The following ST3GAL3 variants were observed in gnomAD, a reference collection of about 807,000 sequenced individuals.
ST3GAL3 encodes the protein CMP-N-acetylneuraminate-beta-1,4-galactoside alpha-2,3-sialyltransferase.
Under a neutral mutation model 50.1 loss-of-function variants are expected in ST3GAL3, and 21 were observed. That is an observed-to-expected ratio of 0.42 (90% CI 0.30 to 0.60). The LOEUF is 0.60. Ranked by LOEUF, ST3GAL3 falls within the 20% of genes least tolerant of loss-of-function variation. The pLI is 0.19. For synonymous variants in ST3GAL3, 183 were observed against 190.0 expected, an observed-to-expected ratio of 0.96 and a Z score of 0.30; for missense variants, 353 against 489.4, an observed-to-expected ratio of 0.72 and a Z score of 2.63.
chr1:43,759,053 AC>A (rs1203609707), intron 2 of ST3GAL3, among the ~76,000 whole-genome samples: 1 of 129,088 alleles, frequency 7.7e-6, no homozygotes, highest in African/African-American at 3.3e-5. Flanking sequence ...TAAAAAACAA[AC>A]AAAAGCGCGC....
In ST3GAL3 at chr1:43,776,431, G is replaced by T. The variant is rs148626579; in HGVS notation, c.119-15671G>T. ...ATGGCCAAATAATATTCCATTATAG[G>T]ATAACACCACATTTTATTTATCCAT... On this transcript the variant is annotated intron_variant, in intron 2 of 11. Transcript: ENST00000347631. Among the ~76,000 whole-genome samples, 733 of 152,088 alleles carry T rather than the reference G, an allele frequency of 4.8e-3. 12 individuals carry two copies. Among genetic ancestry groups the T allele is most frequent in the African/African-American group, 0.017 (697 of 41,498 alleles).
intron 2 of ST3GAL3, chr1:43,738,753 T>A (rs1453682261): frequency 6.6e-6 from 1 of 152,072 alleles, no homozygotes; most frequent in African/African-American, 2.4e-5. Flanking sequence ...TTGCCTTGGC[T>A]TCCCAAAGTG....
At chr1:43,897,946 A>G (rs966556360) in intron 6 of ST3GAL3, among the ~76,000 whole-genome samples, 1 of 152,174 alleles carries the variant, frequency 6.6e-6, no homozygotes, top group Non-Finnish European at 1.5e-5. Flanking sequence ...GCCTGACTAC[A>G]GAGCCTCAGA....
Position 43,884,761 on chromosome 1 carries a change from C to T in ST3GAL3, c.303-9622C>T, listed in dbSNP as rs192238082. On this transcript the variant is annotated intron_variant, in intron 5 of 11. Transcript: ENST00000347631. The stretch of plus-strand genomic sequence containing the variant: ...TCTCATGGGCTGCTTGCACTCGTCA[C>T]AGTCATTGGGAGAAGTGGCTAAAAG... 5.8e-4 allele frequency among the ~76,000 whole-genome samples: 89 copies of T among 152,330 alleles called. 1 individual carries two copies. The South Asian group carries it at 7.0e-3, about 12-fold the overall frequency.
chr1:43,839,960 A>G (rs2065082816), intron 5 of ST3GAL3: 1 of 152,030 alleles, frequency 6.6e-6, no homozygotes, highest in South Asian at 2.1e-4. Context: ...TAAGTCATTC[A>G]TGAGAGACCA....
intron 2 of ST3GAL3, among the ~76,000 whole-genome samples, chr1:43,761,867 C>T (rs530029159): frequency 2.4e-3 from 346 of 145,416 alleles, no homozygotes; most frequent in Non-Finnish European, 3.9e-3. Flanking sequence ...AGGAGAATAG[C>T]GTGAACCCAG....
At chr1:43,922,496 CG>C (rs2154296324) in intron 11 of ST3GAL3, 1 of 148,192 alleles carries the variant, frequency 6.7e-6, no homozygotes, top group South Asian at 2.2e-4. Flanking sequence ...AATGAGACTC[CG>C]TCTCAAAAAA....
intron 5 of ST3GAL3, among the ~76,000 whole-genome samples, chr1:43,875,345 A>G (rs188233986): frequency 6.6e-6 from 1 of 152,256 alleles, no homozygotes; most frequent in East Asian, 1.9e-4. Flanking sequence ...ACCTAGTTTA[A>G]CATATAATTT....
At chr1:43,825,047 A>C (rs1224734779) in intron 4 of ST3GAL3, among the ~76,000 whole-genome samples, 6 of 152,078 alleles carry the variant, frequency 3.9e-5, no homozygotes, top group Non-Finnish European at 7.4e-5. Flanking sequence ...CATAACTAAG[A>C]CCTCACTACC....
chr1:43,807,289 C>T lies in ST3GAL3; in HGVS notation c.167-7602C>T, dbSNP rs1220122716. 2.6e-5 allele frequency among the ~76,000 whole-genome samples: 4 copies of T among 151,904 alleles called. No homozygotes were observed. In the East Asian group the frequency reaches 7.8e-4, roughly 30 times the overall value. Reference sequence around the variant, plus strand: ...AAATTAGCCGGGCGTGGTGGCACACCCCTGTAATCCCAGCTACTCGGGAGG... The same window carrying T: ...AAATTAGCCGGGCGTGGTGGCACACTCCTGTAATCCCAGCTACTCGGGAGG... On this transcript the variant is annotated intron_variant, in intron 3 of 11. Transcript: ENST00000347631.
intron 11 of ST3GAL3, among the ~76,000 whole-genome samples, chr1:43,927,274 A>C (rs1383652394): frequency 6.6e-6 from 1 of 152,140 alleles, no homozygotes; most frequent in Non-Finnish European, 1.5e-5. Flanking sequence ...GTAGTGAGCC[A>C]AGATCGCACC....
intron 1 of ST3GAL3, among the ~76,000 whole-genome samples, chr1:43,711,814 A>G (rs1664907758): frequency 6.6e-6 from 1 of 152,258 alleles, no homozygotes; most frequent in South Asian, 2.1e-4. Flanking sequence ...TGAGATAGCA[A>G]AAAATAAAAG....
chr1:43,902,671 G>T (rs1381402519), intron 9 of ST3GAL3, among the ~76,000 whole-genome samples: 1 of 152,230 alleles, frequency 6.6e-6, no homozygotes, highest in Non-Finnish European at 1.5e-5. Context: ...CAGCTCAGAA[G>T]AGCACCAGCG....
intron 4 of ST3GAL3, among the ~76,000 whole-genome samples, chr1:43,819,987 A>G (rs978552048): frequency 6.6e-6 from 1 of 152,258 alleles, no homozygotes; most frequent in East Asian, 1.9e-4. Context: ...AAACCAAAAA[A>G]GAGGCAGAAT....
At chr1:43,728,458 T>TG (rs949637035) in intron 1 of ST3GAL3, among the ~76,000 whole-genome samples, 9 of 152,024 alleles carry the variant, frequency 5.9e-5, no homozygotes, top group South Asian at 2.1e-4. Flanking sequence ...AGTTATATGT[T>TG]GGGGGGGTGG....
intron 2 of ST3GAL3, among the ~76,000 whole-genome samples, chr1:43,769,753 A>G (rs1336746121): frequency 6.6e-6 from 1 of 152,228 alleles, no homozygotes; most frequent in African/African-American, 2.4e-5. Flanking sequence ...AAAAGGTAAT[A>G]TACTATATAT....
At chr1:43,783,135 T>C (rs962547755) in intron 2 of ST3GAL3, among the ~76,000 whole-genome samples, 8 of 152,184 alleles carry the variant, frequency 5.3e-5, no homozygotes, top group Admixed American at 3.9e-4. Context: ...TTAAGTAGGT[T>C]GCCCAAAGTT....
chr1:43,876,334 G>A (rs999394715), intron 5 of ST3GAL3, among the ~76,000 whole-genome samples: 1 of 152,098 alleles, frequency 6.6e-6, no homozygotes, highest in East Asian at 1.9e-4. Flanking sequence ...AAGGAAGGGG[G>A]TACTAGACTT....
chr1:43,857,556 T>TTCCCTTCC, intron 5 of ST3GAL3, among the ~76,000 whole-genome samples: 2 of 93,848 alleles, frequency 2.1e-5, no homozygotes, highest in African/African-American at 7.5e-5. Context: ...CCTTCCTTCC[T>TTCCCTTCC]TTCCTTCCTT....
Sources: gnomAD v4.1 joint callset for allele counts (sites outside exome capture counted in the v4.1 genomes callset) on GRCh38, gnomAD v4.1.1 for gene constraint, MANE v1.5 for transcripts, NCBI Gene and HGNC (gene_info 2026-07-23, HGNC 2026-07-21) for gene names.